ACSL3: variants seen among roughly 807,000 people sequenced by gnomAD.
The protein encoded by ACSL3 is fatty acid CoA ligase Acsl3.
ACSL3 carries 34 observed loss-of-function variants against 84.7 expected under a neutral mutation model. The ratio of observed to expected loss-of-function variants is 0.40; its 90% CI spans 0.31 to 0.53. The LOEUF is 0.53. ACSL3 is among the 20% of genes least tolerant of loss of function. ACSL3 has a pLI of 0.48. For synonymous variants in ACSL3, 315 were observed against 299.4 expected (o/e 1.05, Z -0.54); for missense variants, 680 against 873.1 (o/e 0.78, Z 2.79).
At position 222,943,630 on chromosome 2, in the gene ACSL3, ATTCCT is replaced by A. The variant is rs1440935171; in HGVS notation, c.*1980_*1984del. ...TTTGTTTTCTCATATGAAGTTTATA[ATTCCT>A]TTCAGTCCTAAAATGTCAGATGCCA... On this transcript the variant is annotated 3_prime_UTR_variant, in exon 17 of 17. Transcript: ENST00000357430. The A allele has an allele frequency of 6.6e-6, 1 of 152,516 alleles. No homozygotes were observed. The highest frequency in any genetic ancestry group is 1.5e-5 in the Non-Finnish European group (1 of 68,194). 9.4% of individuals were successfully genotyped at this position (152,516 alleles called of 1,614,324 possible).
At position 222,916,531 on chromosome 2, in the gene ACSL3, C is replaced by T. The variant is rs771293741; in HGVS notation, c.556+35C>T. The stretch of plus-strand genomic sequence containing the variant: ...CTTTCTTATCTTCTGGAAGAATGAA[C>T]TTAACTGATATTTATTGAAATACTT... On this transcript the variant is annotated intron_variant, in intron 5 of 16. Coordinates refer to ENST00000357430, the MANE Select transcript of ACSL3 (RefSeq NM_004457.5). 11 of 1,497,966 alleles carry T rather than the reference C, an allele frequency of 7.3e-6. No individual in the cohort carries two copies. The East Asian group carries it at 2.3e-4, about 32-fold the overall frequency. The allele number at this position is 1,497,966 out of a possible 1,614,324, so 92.8% of individuals were successfully genotyped here. A position where few individuals can be genotyped will look rare whatever the true frequency, so the allele number is the denominator to read the frequency against.
At chr2:222,922,285 C>G (rs552053313) in intron 8 of ACSL3, among the ~76,000 whole-genome samples, 1 of 152,280 alleles carries the variant, frequency 6.6e-6, no homozygotes, top group African/African-American at 2.4e-5. Flanking sequence ...TTTAACTCTT[C>G]TGGTTGGCAA....
chr2:222,880,471 G>A (rs917569789), intron 1 of ACSL3, among the ~76,000 whole-genome samples: 4 of 151,938 alleles, frequency 2.6e-5, no homozygotes, highest in Non-Finnish European at 5.9e-5. Context: ...TTAAACTTGC[G>A]TTTGCTATTG....
intron 4 of ACSL3, 31 bp downstream of exon 4, chr2:222,909,181 T>G: frequency 3.2e-6 from 5 of 1,572,828 alleles, no homozygotes; most frequent in Non-Finnish European, 4.3e-6. Flanking sequence ...CTTTGAATTC[T>G]TTCGAATAAA....
intron 1 of ACSL3, among the ~76,000 whole-genome samples, chr2:222,863,403 A>C (rs1032697529): frequency 1.3e-5 from 2 of 152,244 alleles, no homozygotes; most frequent in East Asian, 3.8e-4. Context: ...TTCATTGCAC[A>C]GTGTATTTCA....
At chr2:222,882,802 C>T (rs1028639606) in intron 1 of ACSL3, among the ~76,000 whole-genome samples, 7 of 140,790 alleles carry the variant, frequency 5.0e-5, no homozygotes, top group South Asian at 2.3e-4. Context: ...CTCGCTCTGT[C>T]GCCCAGGCTG....
intron 3 of ACSL3, among the ~76,000 whole-genome samples, chr2:222,901,806 G>A (rs528500510): frequency 1.3e-4 from 20 of 152,032 alleles, no homozygotes; most frequent in South Asian, 2.1e-4. Context: ...TTAGCTGGGC[G>A]TGATTGAGCA....
chr2:222,868,962 G>A (rs1189063013), intron 1 of ACSL3, among the ~76,000 whole-genome samples: 3 of 145,082 alleles, frequency 2.1e-5, no homozygotes, highest in Non-Finnish European at 4.5e-5. Context: ...AGAGGGAGAC[G>A]CTGTCTCAAA....
At chr2:222,923,961 C>G (rs1696806842) in intron 10 of ACSL3, among the ~76,000 whole-genome samples, 1 of 152,150 alleles carries the variant, frequency 6.6e-6, no homozygotes, top group Non-Finnish European at 1.5e-5. Context: ...GGAAAACTTC[C>G]TGGTGCAATA....
intron 1 of ACSL3, among the ~76,000 whole-genome samples, chr2:222,879,707 T>A (rs1000878988): frequency 1.3e-5 from 2 of 152,184 alleles, no homozygotes; most frequent in African/African-American, 2.4e-5. Context: ...TGGTCACAGG[T>A]CTGCTGGATA....
chr2:222,886,656 T>C (rs1695730464), intron 1 of ACSL3, among the ~76,000 whole-genome samples: 1 of 152,270 alleles, frequency 6.6e-6, no homozygotes, highest in Non-Finnish European at 1.5e-5. Context: ...TCACCACATA[T>C]ACATCTTAAT....
intron 16 of ACSL3, among the ~76,000 whole-genome samples, chr2:222,935,667 T>C (rs569095319): frequency 1.3e-5 from 2 of 152,344 alleles, no homozygotes; most frequent in Admixed American, 1.3e-4. Flanking sequence ...GACTGAAACC[T>C]TGTGTATTAT....
At chr2:222,905,182 C>T (rs1432627474) in intron 3 of ACSL3, 2 of 152,858 alleles carry the variant, frequency 1.3e-5, no homozygotes, top group Non-Finnish European at 2.9e-5. Flanking sequence ...TTTTTTGAGA[C>T]AGGGTCTTGC....
intron 1 of ACSL3, among the ~76,000 whole-genome samples, chr2:222,880,424 C>T (rs1336996122): frequency 6.6e-6 from 1 of 152,018 alleles, no homozygotes; most frequent in African/African-American, 2.4e-5. Context: ...CACAGACACC[C>T]ATATGTAAAT....
intron 2 of ACSL3, among the ~76,000 whole-genome samples, chr2:222,888,969 G>C (rs539079679): frequency 6.6e-6 from 1 of 152,332 alleles, no homozygotes; most frequent in East Asian, 1.9e-4. Flanking sequence ...TAAACCCATT[G>C]TAACACAGTA....
At chr2:222,931,195 G>A (rs1345672379) in intron 14 of ACSL3, among the ~76,000 whole-genome samples, 2 of 152,044 alleles carry the variant, frequency 1.3e-5, no homozygotes, top group African/African-American at 2.4e-5. Context: ...CATATGGGTT[G>A]AAAAATACCT....
At chr2:222,909,282 G>A in intron 4 of ACSL3, 132 bp downstream of exon 4, 3 of 868,040 alleles carry the variant, frequency 3.5e-6, no homozygotes, top group Non-Finnish European at 5.2e-6. Flanking sequence ...AAGGGGGCTA[G>A]ACTACCTTCT....
At chr2:222,863,030 G>T (rs1559271444) in intron 1 of ACSL3, among the ~76,000 whole-genome samples, 1 of 152,216 alleles carries the variant, frequency 6.6e-6, no homozygotes. Context: ...TTTGGTTCCA[G>T]TTAAGTGACT....
chr2:222,879,066 C>T (rs937530087), intron 1 of ACSL3, among the ~76,000 whole-genome samples: 1 of 152,172 alleles, frequency 6.6e-6, no homozygotes, highest in Non-Finnish European at 1.5e-5. Flanking sequence ...CCTGTAATTT[C>T]GACACTTTGG....
Sources: gnomAD v4.1 joint callset for allele counts (sites outside exome capture counted in the v4.1 genomes callset) on GRCh38, gnomAD v4.1.1 for gene constraint, MANE v1.5 for transcripts, NCBI Gene and HGNC (gene_info 2026-07-23, HGNC 2026-07-21) for gene names.